The following STK3 variants were observed in gnomAD, a reference collection of about 807,000 sequenced individuals.
The protein encoded by STK3 is serine/threonine kinase 3.
A neutral mutation model predicts 58.0 loss-of-function variants in STK3; 41 were observed. The ratio of observed to expected loss-of-function variants is 0.71; its 90% CI spans 0.55 to 0.92. STK3 has a LOEUF of 0.92. STK3 is among the 40% of genes least tolerant of loss of function. The probability of loss-of-function intolerance (pLI) is 0.00; values close to 1 mark genes in which losing one functional copy is unlikely to be tolerated. For missense variants in STK3, 479 were observed against 602.7 expected (o/e 0.79, Z 2.15); for synonymous variants, 170 against 191.0 (o/e 0.89, Z 0.91).
intron 3 of STK3, among the ~76,000 whole-genome samples, chr8:98,870,422 T>C (rs989644507): frequency 6.6e-6 from 1 of 152,222 alleles, no homozygotes. Flanking sequence ...CGCCACACTG[T>C]CTTCCACAAT....
intron 3 of STK3, 79 bp from the exon 4 acceptor site, chr8:98,749,469 T>C (rs1200680228): frequency 1.4e-6 from 1 of 700,152 alleles, no homozygotes; most frequent in African/African-American, 1.8e-5. Context: ...CAAAGTATTT[T>C]CAACATTTCA....
chr8:98,359,738 C>A, the STK3 span, among the ~76,000 whole-genome samples: 78 of 152,244 alleles, frequency 5.1e-4, no homozygotes, highest in Non-Finnish European at 6.9e-4. Context: ...CAGTGGCTCG[C>A]ATACCCCAAA....
intron 3 of STK3, among the ~76,000 whole-genome samples, chr8:98,766,631 G>A (rs888182713): frequency 3.3e-5 from 5 of 152,080 alleles, no homozygotes; most frequent in African/African-American, 1.2e-4. Context: ...GCTCAGACTG[G>A]CCTTGAACTC....
rs369858154 is a variant in STK3, at chr8:98,569,337, G to A, written c.948+10327C>T. Among the ~76,000 whole-genome samples, 6 of 152,158 alleles carry A rather than the reference G, an allele frequency of 3.9e-5. No homozygotes were observed. The East Asian group carries it at 7.7e-4, about 20-fold the overall frequency. The stretch of plus-strand genomic sequence containing the variant: ...AAGAAAGACAGAAGACAGCATCAGG[G>A]ATAAAGAGATTACAGAAGAAAAAAA... On this transcript the variant is annotated intron_variant, in intron 8 of 10. Transcript: ENST00000419617.
chr8:98,619,075 C>A (rs1236131122), intron 6 of STK3, among the ~76,000 whole-genome samples: 3 of 149,998 alleles, frequency 2.0e-5, no homozygotes, highest in Non-Finnish European at 3.0e-5. Flanking sequence ...TACTACAAGG[C>A]TACAGTAACC....
intron 1 of STK3, among the ~76,000 whole-genome samples, chr8:98,910,715 T>C (rs992706119): frequency 1.3e-5 from 2 of 152,202 alleles, no homozygotes; most frequent in African/African-American, 4.8e-5. Flanking sequence ...GATTGCAGTG[T>C]TAAATGACAT....
intron 8 of STK3, among the ~76,000 whole-genome samples, chr8:98,574,853 T>C (rs1445186790): frequency 1.3e-5 from 2 of 152,164 alleles, no homozygotes; most frequent in Admixed American, 6.5e-5. Context: ...GAGGTAGGAA[T>C]AGAACTTAGT....
At chr8:98,761,763 T>C (rs1830631814) in intron 3 of STK3, among the ~76,000 whole-genome samples, 1 of 152,234 alleles carries the variant, frequency 6.6e-6, no homozygotes, top group South Asian at 2.1e-4. Context: ...AAATTGCTGA[T>C]ACAAATTGCC....
chr8:98,738,908 G>A (rs998604323), intron 4 of STK3, among the ~76,000 whole-genome samples: 11 of 152,212 alleles, frequency 7.2e-5, no homozygotes, highest in South Asian at 6.2e-4. Context: ...CTTTTCCGAC[G>A]CGCTTAAAAA....
Position 98,456,005 on chromosome 8 carries a change from A to G in STK3, c.1318-5T>C. The G allele has an allele frequency of 6.3e-7, 1 of 1,599,178 alleles. No individual in the cohort carries two copies. Among genetic ancestry groups the G allele is most frequent in the East Asian group, 2.2e-5 (1 of 44,644 alleles). The stretch of plus-strand genomic sequence containing the variant: ...TTCTAAACTTAGATTTTTCAACTAG[A>G]TACAGAAAGAAAGATACCAATACAA... On this transcript the variant is annotated splice_region_variant and splice_polypyrimidine_tract_variant and intron_variant, in intron 10 of 10. Coordinates refer to ENST00000419617, the MANE Select transcript of STK3 (RefSeq NM_006281.4).
chr8:98,829,518 T>C (rs940481803), upstream of STK3, among the ~76,000 whole-genome samples: 3 of 152,142 alleles, frequency 2.0e-5, no homozygotes, highest in Non-Finnish European at 2.9e-5. Context: ...ACGACTCCAA[T>C]AGGATCAGAC....
intron 3 of STK3, among the ~76,000 whole-genome samples, chr8:98,403,336 T>A (rs933208799): frequency 6.6e-6 from 1 of 152,140 alleles, no homozygotes; most frequent in African/African-American, 2.4e-5. Context: ...TAGTTTTGTC[T>A]CCCCCATAGA....
intron 4 of STK3, among the ~76,000 whole-genome samples, chr8:98,714,439 G>C (rs1201221633): frequency 1.3e-5 from 2 of 152,104 alleles, no homozygotes; most frequent in Non-Finnish European, 2.9e-5. Context: ...CAAAGTCTCA[G>C]GATACAAAGT....
chr8:98,435,569 G>C lies in STK3; in HGVS notation n.292-1251C>G, dbSNP rs563861579. On this transcript the variant is annotated intron_variant and non_coding_transcript_variant, in intron 2 of 3. Transcript: ENST00000517832. ...TATAGATCAGATACAAAGGGAGTGG[G>C]GTGGGGAGGAGGGGCAGTGCAGGTG... Among the ~76,000 whole-genome samples, 30 of 152,210 alleles carry C rather than the reference G, an allele frequency of 2.0e-4. No homozygotes were observed. In the Middle Eastern group the frequency reaches 0.014, roughly 69 times the overall value.
intron 1 of STK3, among the ~76,000 whole-genome samples, chr8:98,893,637 A>C (rs1329843189): frequency 1.3e-5 from 2 of 152,096 alleles, no homozygotes; most frequent in Admixed American, 1.3e-4. Flanking sequence ...AACTTAAAAA[A>C]AAAAGCAACC....
chr8:98,425,426 T>C (rs556216647), intron 3 of STK3, among the ~76,000 whole-genome samples: 8 of 152,264 alleles, frequency 5.3e-5, no homozygotes, highest in African/African-American at 1.9e-4. Flanking sequence ...GATTCCTCTT[T>C]TAGGGACCTG....
the STK3 span, among the ~76,000 whole-genome samples, chr8:98,353,771 G>T: frequency 6.6e-6 from 1 of 152,154 alleles, no homozygotes; most frequent in East Asian, 1.9e-4. Flanking sequence ...ACAAATATAG[G>T]TAGATGTAGT....
At chr8:98,898,560 G>A in intron 1 of STK3, among the ~76,000 whole-genome samples, 1 of 152,140 alleles carries the variant, frequency 6.6e-6, no homozygotes, top group East Asian at 1.9e-4. Flanking sequence ...TTTCTAAAAT[G>A]TTTTATGAGA....
At chr8:98,398,148 G>A (rs1389625153), downstream of STK3, among the ~76,000 whole-genome samples, 2 of 152,166 alleles carry the variant, frequency 1.3e-5, no homozygotes, top group East Asian at 1.9e-4. Flanking sequence ...AGGGCATCAC[G>A]TGTCTGGGAA....
Sources: allele counts gnomAD v4.1 joint callset (sites outside exome capture counted in the v4.1 genomes callset), GRCh38; gene constraint gnomAD v4.1.1; transcripts MANE v1.5; gene names NCBI Gene and HGNC (gene_info 2026-07-23, HGNC 2026-07-21).